SLC26A8: variants seen among roughly 807,000 people sequenced by gnomAD.
SLC26A8 encodes the protein solute carrier family 26 member 8.
In SLC26A8, 70 loss-of-function variants were observed where a neutral mutation model predicts 105.0. The ratio of observed to expected loss-of-function variants is 0.67; its 90% confidence interval spans 0.55 to 0.81. The LOEUF is 0.81. Among genes scored for constraint, SLC26A8 ranks in the 40% least tolerant of loss-of-function variants. SLC26A8 has a pLI of 0.00. For synonymous variants in SLC26A8, 415 were observed against 438.3 expected (o/e 0.95, Z 0.66); for missense variants, 998 against 1,181.8 (o/e 0.84, Z 2.28).
intron 19 of SLC26A8, among the ~76,000 whole-genome samples, chr6:35,950,719 T>C (rs908040197): frequency 2.0e-5 from 3 of 152,196 alleles, no homozygotes; most frequent in African/African-American, 7.2e-5. Flanking sequence ...AGATTATAGA[T>C]CTGAATCTCT....
At chr6:35,954,996 A>C in intron 17 of SLC26A8, 156 bp downstream of exon 17, 1 of 789,290 alleles carries the variant, frequency 1.3e-6, no homozygotes, top group Non-Finnish European at 2.1e-6. Context: ...ATTTTGATTG[A>C]CCTTATATTG....
At chr6:35,951,101 A>ACAC in intron 19 of SLC26A8, 62 bp downstream of exon 19, 1 of 1,072,412 alleles carries the variant, frequency 9.3e-7, no homozygotes, top group Non-Finnish European at 1.3e-6. Context: ...ACCACCCCTC[A>ACAC]CCCATCCCCC....
chr6:35,993,762 A>G (rs1483452471), intron 5 of SLC26A8, among the ~76,000 whole-genome samples: 1 of 152,138 alleles, frequency 6.6e-6, no homozygotes, highest in Non-Finnish European at 1.5e-5. Context: ...GTGGTGGCTC[A>G]TGCCTGTAAT....
chr6:36,000,092 C>G lies in SLC26A8; in HGVS notation c.345G>C (p.Leu115Phe). 1 of 1,613,266 alleles carries G rather than the reference C, an allele frequency of 6.2e-7. No individual in the cohort carries two copies. Among genetic ancestry groups the G allele is most frequent in the Non-Finnish European group, 8.5e-7 (1 of 1,179,320 alleles). The change falls in exon 4 of 20, where the codon TTG (leucine) becomes TTC (phenylalanine). Residue 115 changes from leucine to phenylalanine, a missense_variant. Coordinates refer to ENST00000490799, the MANE Select transcript of SLC26A8 (RefSeq NM_052961.4). ...GAGGAGGAATCAGTTGCCTTGCCAGCAAACTAAGTGTCAGGCCTGAAAAAC... is the reference window on the plus strand; with the variant it reads ...GAGGAGGAATCAGTTGCCTTGCCAGGAAACTAAGTGTCAGGCCTGAAAAAC... Reference protein sequence around the residue: ...VQVPQGLTLSLLARQLIPPLN... With the variant: ...VQVPQGLTLSFLARQLIPPLN...
intron 14 of SLC26A8, 174 bp downstream of exon 14, chr6:35,960,669 A>AT (rs1772272758): frequency 1.5e-6 from 1 of 671,538 alleles, no homozygotes; most frequent in African/African-American, 1.8e-5. Context: ...TCTCCAAAAA[A>AT]AAAAATAAAA....
intron 9 of SLC26A8, among the ~76,000 whole-genome samples, chr6:35,976,106 T>C (rs1388798772): frequency 6.6e-6 from 1 of 151,872 alleles, no homozygotes; most frequent in African/African-American, 2.4e-5. Flanking sequence ...CACAATGCTA[T>C]TCTCCCTGCC....
chr6:35,982,511 T>A (rs1208804324), intron 7 of SLC26A8, among the ~76,000 whole-genome samples: 1 of 152,210 alleles, frequency 6.6e-6, no homozygotes, highest in Non-Finnish European at 1.5e-5. Flanking sequence ...TTTTTCTTGT[T>A]TTAATATTTA....
At chr6:35,993,861 A>G (rs1761262658) in intron 5 of SLC26A8, among the ~76,000 whole-genome samples, 1 of 152,112 alleles carries the variant, frequency 6.6e-6, no homozygotes, top group Non-Finnish European at 1.5e-5. Context: ...CTTTGTCTCT[A>G]CAACAAGAAA....
At chr6:35,952,696 C>G (rs969649951) in intron 17 of SLC26A8, among the ~76,000 whole-genome samples, 2 of 152,104 alleles carry the variant, frequency 1.3e-5, no homozygotes, top group Non-Finnish European at 2.9e-5. Context: ...GAAGTTTAAT[C>G]TGAGTGGCTG....
rs759485176 is a variant in SLC26A8, at chr6:35,944,294, TG to T, written c.2518del (p.Gln840LysfsTer4). 1 of 1,613,970 alleles carries T rather than the reference TG, an allele frequency of 6.2e-7. No homozygotes were observed. The highest frequency in any genetic ancestry group is 1.3e-5 in the African/African-American group (1 of 75,004). On this transcript the variant is annotated frameshift_variant, in exon 20 of 20. Transcript: ENST00000490799. LOFTEE classifies it high-confidence loss of function. ...YKMSSSFLGS[Q>X]KNVSPGFIKI... ...GATGAAGCCTGGACTTACATTTTTT[TG>T]GCTTCCTAGAAAACTGCTGCTCATT...
chr6:36,019,759 A>T (rs1762082973), intron 1 of SLC26A8, 50 bp from the exon 2 acceptor site: 1 of 1,480,832 alleles, frequency 6.8e-7, no homozygotes, highest in Non-Finnish European at 9.1e-7. Context: ...AGTAATCCAG[A>T]TCCTCGGCAT....
intron 10 of SLC26A8, among the ~76,000 whole-genome samples, chr6:35,974,942 G>A (rs1772943563): frequency 6.7e-6 from 1 of 149,762 alleles, no homozygotes. Context: ...ATTTCTAGTA[G>A]AGATGGGGTT....
At chr6:35,961,574 C>A (rs996312725) in intron 12 of SLC26A8, among the ~76,000 whole-genome samples, 1 of 152,216 alleles carries the variant, frequency 6.6e-6, no homozygotes, top group Non-Finnish European at 1.5e-5. Context: ...ATTTTCCTCA[C>A]CACCTGCCAC....
intron 9 of SLC26A8, among the ~76,000 whole-genome samples, chr6:35,976,553 T>C: frequency 7.3e-6 from 1 of 137,200 alleles, no homozygotes; most frequent in African/African-American, 2.6e-5. Context: ...GCCCTCGCTT[T>C]TTTTTTTTTT....
chr6:36,019,600 T>C lies in SLC26A8; in HGVS notation c.108A>G (p.Gln36=). ...KREVYNEETF[Q]QEHKRKASSS... The stretch of plus-strand genomic sequence containing the variant: ...AGGAGGCCTTCCTTTTGTGTTCCTG[T>C]TGAAAGGTCTCCTCATTGTATACTT... The change falls in exon 2 of 20, where the codon CAA becomes CAG. Residue 36 remains glutamine, a synonymous_variant. Transcript: ENST00000490799. The C allele has an allele frequency of 6.2e-7, 1 of 1,614,180 alleles. No individual in the cohort carries two copies. Among genetic ancestry groups the C allele is most frequent in the Non-Finnish European group, 8.5e-7 (1 of 1,180,032 alleles).
intron 3 of SLC26A8, among the ~76,000 whole-genome samples, chr6:36,001,560 G>T (rs910151585): frequency 3.9e-5 from 6 of 152,242 alleles, no homozygotes; most frequent in African/African-American, 1.4e-4. Flanking sequence ...GTTGCAAAAA[G>T]ACTTTGGTTT....
rs1468664440 is a variant in SLC26A8 at position 35,944,349 on chromosome 6, C to T, written c.2473-9G>A. ...TATCTTGAATTGTCATTCTGAAATA[C>T]AATTAGGTGGGTTAAAATTTCTAAT... On this transcript the variant is annotated splice_polypyrimidine_tract_variant and intron_variant, in intron 19 of 19. Coordinates refer to ENST00000490799, the MANE Select transcript of SLC26A8 (RefSeq NM_052961.4). 6.3e-7 allele frequency: 1 copy of T among 1,578,886 alleles called. No individual in the cohort carries two copies. The highest frequency in any genetic ancestry group is 1.7e-5 in the Admixed American group (1 of 58,754).
intron 3 of SLC26A8, among the ~76,000 whole-genome samples, chr6:36,007,891 C>A (rs897012636): frequency 6.6e-6 from 1 of 151,810 alleles, no homozygotes; most frequent in African/African-American, 2.4e-5. Flanking sequence ...GAGGCCAAGG[C>A]GGGCAGATCA....
In SLC26A8 at chr6:35,951,191, A is replaced by G. The variant is rs755314326; in HGVS notation, c.2444T>C (p.Ile815Thr). 64 of 1,607,618 alleles carry G rather than the reference A, an allele frequency of 4.0e-5. No individual in the cohort carries two copies. Among genetic ancestry groups the G allele is most frequent in the Non-Finnish European group, 5.4e-5 (64 of 1,179,404 alleles). Reference protein sequence around the residue: ...ELSIDESETVIRETYSETDKN... With the variant: ...ELSIDESETVTRETYSETDKN... ...GTCTGTTTCTGAGTAGGTTTCCCGT[A>G]TCACTGTCTCGGATTCATCGATGCT... Residue 815 changes from isoleucine (I) to threonine (T), a missense_variant, in exon 19 of 20, where the codon ATA becomes ACA. By Grantham distance (89) the Ile-to-Thr change is moderately conservative. Transcript: ENST00000490799.
Sources: gnomAD v4.1 joint callset for allele counts (sites outside exome capture counted in the v4.1 genomes callset) on GRCh38, gnomAD v4.1.1 for gene constraint, MANE v1.5 for transcripts, NCBI Gene and HGNC (gene_info 2026-07-23, HGNC 2026-07-21) for gene names.